FRMD3: variants seen among roughly 807,000 people sequenced by gnomAD.
FRMD3 encodes the protein FERM domain containing 3.
In FRMD3, 33 loss-of-function variants were observed where a neutral mutation model predicts 70.2. The observed-to-expected ratio is 0.47, with a 90% CI of 0.36 to 0.63. The LOEUF (loss-of-function observed/expected upper bound fraction) is 0.63. FRMD3 is among the 20% of genes least tolerant of loss of function. The pLI, the probability that FRMD3 is intolerant of heterozygous loss-of-function variation, is 0.00. For missense variants in FRMD3, 632 were observed against 711.4 expected (o/e 0.89, Z 1.27); for synonymous variants, 279 against 255.9 (o/e 1.09, Z -0.86).
chr9:83,467,690 T>C (rs983434929), intron 1 of FRMD3: 3 of 1,535,018 alleles, frequency 2.0e-6, no homozygotes, highest in African/African-American at 2.7e-5. Context: ...CGTGATCTGC[T>C]AGTGCCTTAA....
At chr9:83,564,415 C>T in the FRMD3 span, among the ~76,000 whole-genome samples, 1 of 152,144 alleles carries the variant, frequency 6.6e-6, no homozygotes, top group African/African-American at 2.4e-5. Flanking sequence ...AGGCCAACAG[C>T]CTCAATCTCT....
At chr9:83,561,109 T>G in the FRMD3 span, among the ~76,000 whole-genome samples, 1 of 152,212 alleles carries the variant, frequency 6.6e-6, no homozygotes, top group African/African-American at 2.4e-5. Flanking sequence ...TTTCTGGCAA[T>G]GACTCCCCCT....
chr9:83,293,237 TGAAGGGTTCTC>T (rs1422974912), intron 12 of FRMD3, among the ~76,000 whole-genome samples: 2 of 152,090 alleles, frequency 1.3e-5, no homozygotes, highest in African/African-American at 4.8e-5. Flanking sequence ...TCTTTTATTG[TGAAGGGTTCTC>T]AGTTTTTGAG....
chr9:83,259,893 G>A (rs1229513382), intron 13 of FRMD3, among the ~76,000 whole-genome samples: 2 of 152,054 alleles, frequency 1.3e-5, no homozygotes, highest in Non-Finnish European at 2.9e-5. Flanking sequence ...GAAAGGTGAA[G>A]GAAGAGTGGG....
At chr9:83,474,493 C>CA (rs1828347222) in intron 1 of FRMD3, among the ~76,000 whole-genome samples, 1 of 152,094 alleles carries the variant, frequency 6.6e-6, no homozygotes. Flanking sequence ...GACTGCAAGG[C>CA]AAACAATGAT....
Position 83,247,384 on chromosome 9 carries a change from C to CCT in FRMD3, c.*533_*534insAG. 3 of 914,118 alleles carry CCT rather than the reference C, an allele frequency of 3.3e-6. No homozygotes were observed. Among genetic ancestry groups the CCT allele is most frequent in the Non-Finnish European group, 3.9e-6 (3 of 768,650 alleles). 56.6% of individuals were successfully genotyped at this position (914,118 alleles called of 1,614,324 possible). A position where few individuals can be genotyped will look rare whatever the true frequency, so the allele number is the denominator to read the frequency against. ...ACATGTAAATAACTCCAGGAGGCTT[C>CCT]TTTTTTTTTTTTGCTAAAAATTTAC... On this transcript the variant is annotated 3_prime_UTR_variant, in exon 14 of 14. Coordinates refer to ENST00000304195, the MANE Select transcript of FRMD3 (RefSeq NM_174938.6).
Position 83,537,678 on chromosome 9 carries a change from C to G in FRMD3, c.147+407G>C, listed in dbSNP as rs925249237. Among the ~76,000 whole-genome samples the G allele has an allele frequency of 6.6e-6, 1 of 152,188 alleles. No homozygotes were observed. Among genetic ancestry groups the G allele is most frequent in the Admixed American group, 6.5e-5 (1 of 15,284 alleles). On this transcript the variant is annotated intron_variant, in intron 1 of 13. Coordinates refer to ENST00000304195, the MANE Select transcript of FRMD3 (RefSeq NM_174938.6). This position sits in a 1 kb window ranked among gnomAD's most constrained non-coding sequence, Gnocchi z 4.1. Reference sequence around the variant, plus strand: ...TGAACCCAGCTGATGCATGCCTTCTCCACGTGGAAGAAGGGAGGAAATACC... The same window carrying G: ...TGAACCCAGCTGATGCATGCCTTCTGCACGTGGAAGAAGGGAGGAAATACC...
chr9:83,569,726 G>A, the FRMD3 span, among the ~76,000 whole-genome samples: 2 of 152,172 alleles, frequency 1.3e-5, no homozygotes, highest in African/African-American at 2.4e-5. Flanking sequence ...TACTTGATAC[G>A]TGTTTTCAAA....
At chr9:83,261,910 G>C (rs185234829) in intron 13 of FRMD3, among the ~76,000 whole-genome samples, 10 of 152,270 alleles carry the variant, frequency 6.6e-5, no homozygotes, top group Admixed American at 5.9e-4. Context: ...GTAAAATGGG[G>C]AAAATTTCAG....
intron 13 of FRMD3, among the ~76,000 whole-genome samples, chr9:83,265,856 C>G (rs1319197466): frequency 6.6e-6 from 1 of 152,112 alleles, no homozygotes; most frequent in African/African-American, 2.4e-5. Flanking sequence ...ATCCTTCAAC[C>G]CAACAATTAT....
At chr9:83,287,196 C>T (rs933052833) in intron 13 of FRMD3, among the ~76,000 whole-genome samples, 1 of 152,192 alleles carries the variant, frequency 6.6e-6, no homozygotes, top group Non-Finnish European at 1.5e-5. Flanking sequence ...CCAGTGGTTT[C>T]TAACCAGAGA....
At position 83,247,017 on chromosome 9, in the gene FRMD3, CCTT is replaced by C; in HGVS notation, c.*898_*900del. 1.0e-6 allele frequency: 1 copy of C among 985,404 alleles called. No individual in the cohort carries two copies. Among genetic ancestry groups the C allele is most frequent in the Non-Finnish European group, 1.2e-6 (1 of 829,934 alleles). 61.0% of individuals were successfully genotyped at this position (985,404 alleles called of 1,614,324 possible). A position where few individuals can be genotyped will look rare whatever the true frequency, so the allele number is the denominator to read the frequency against. On this transcript the variant is annotated 3_prime_UTR_variant, in exon 14 of 14. Transcript: ENST00000304195. ...ATGCAACTGACTAGCACATCTGTTA[CCTT>C]TTTTCCTTTAAACTCTCACTTTCTT... is the stretch of plus-strand genomic sequence containing the variant.
At chr9:83,487,782 G>T (rs983595280) in intron 1 of FRMD3, among the ~76,000 whole-genome samples, 3 of 152,202 alleles carry the variant, frequency 2.0e-5, no homozygotes, top group Non-Finnish European at 2.9e-5. Flanking sequence ...ATGTCCCAGG[G>T]TTAACTACAT....
At chr9:83,326,262 G>C (rs1265664055) in intron 6 of FRMD3, among the ~76,000 whole-genome samples, 1 of 152,156 alleles carries the variant, frequency 6.6e-6, no homozygotes, top group East Asian at 1.9e-4. Flanking sequence ...CTTGCCCTCA[G>C]ACTACCATGT....
rs568581315 is a variant in FRMD3 at position 83,273,640 on chromosome 9, A to C, written c.1195+16963T>G. 4.7e-3 allele frequency among the ~76,000 whole-genome samples: 643 copies of C among 138,146 alleles called. 1 individual carries two copies. The highest frequency in any genetic ancestry group is 0.016 in the African/African-American group (532 of 33,766). The allele number at this position is 138,146 out of a possible 152,430, so 90.6% of individuals were successfully genotyped here. On this transcript the variant is annotated intron_variant, in intron 13 of 13. Coordinates refer to ENST00000304195, the MANE Select transcript of FRMD3 (RefSeq NM_174938.6). ...AAAAAAAAAAAAACCTGGGGAAAAA[A>C]AAAAAAGTTACTGCTCCTGTTACAA...
upstream of FRMD3, chr9:83,538,663 G>C (rs1432000405): frequency 6.5e-6 from 1 of 154,922 alleles, no homozygotes; most frequent in African/African-American, 2.4e-5. This position sits in a 1 kb window ranked among gnomAD's most constrained non-coding sequence, Gnocchi z 4.7. Flanking sequence ...GCTGCGTCAA[G>C]CTGGGCCCGA....
rs941830892 is a variant in FRMD3 at position 83,245,878 on chromosome 9, A to G, written c.*2040T>C. 6 of 984,858 alleles carry G rather than the reference A, an allele frequency of 6.1e-6. No individual in the cohort carries two copies. In the African/African-American group the frequency reaches 1.0e-4, roughly 17 times the overall value. The allele number at this position is 984,858 out of a possible 1,614,324, so 61.0% of individuals were successfully genotyped here. The stretch of plus-strand genomic sequence containing the variant: ...AAACCTAGCCATCTGCAAGCTTCCA[A>G]AATAAATTGTTGAGGATTCCAATCA... On this transcript the variant is annotated 3_prime_UTR_variant, in exon 14 of 14. Coordinates refer to ENST00000304195, the MANE Select transcript of FRMD3 (RefSeq NM_174938.6).
chr9:83,499,504 C>T (rs1049386395), intron 1 of FRMD3, among the ~76,000 whole-genome samples: 8 of 152,124 alleles, frequency 5.3e-5, no homozygotes, highest in African/African-American at 1.9e-4. Flanking sequence ...TCCACTCCTG[C>T]CTACCTGTGC....
intron 13 of FRMD3, among the ~76,000 whole-genome samples, chr9:83,283,889 G>A (rs1834079430): frequency 6.6e-6 from 1 of 152,106 alleles, no homozygotes; most frequent in Non-Finnish European, 1.5e-5. Flanking sequence ...TTGATCTCCA[G>A]TTCAACTTCT....
Sources: gnomAD v4.1 joint callset for allele counts (sites outside exome capture counted in the v4.1 genomes callset) on GRCh38, gnomAD v4.1.1 for gene constraint, Gnocchi (gnomAD v3.1) non-coding constraint, MANE v1.5 for transcripts, NCBI Gene and HGNC (gene_info 2026-07-23, HGNC 2026-07-21) for gene names.